The following NR3C1 variants were observed in gnomAD, a reference collection of about 807,000 sequenced individuals.
The protein encoded by NR3C1 is nuclear receptor subfamily 3 group C member 1, also known as glucocorticoid receptor.
Under a neutral mutation model 74.0 loss-of-function variants are expected in NR3C1, and 14 were observed. That is an observed-to-expected ratio of 0.19 (90% confidence interval 0.12 to 0.30). The LOEUF (loss-of-function observed/expected upper bound fraction) is 0.30. Among genes scored for constraint, NR3C1 ranks in the 10% least tolerant of loss-of-function variants. The pLI is 1.00. For synonymous variants in NR3C1, 308 were observed against 332.5 expected (o/e 0.93, Z 0.80); for missense variants, 695 against 909.8 (o/e 0.76, Z 3.04).
At chr5:143,371,407 T>G (rs1307019170) in intron 2 of NR3C1, among the ~76,000 whole-genome samples, 3 of 152,232 alleles carry the variant, frequency 2.0e-5, no homozygotes, top group Non-Finnish European at 4.4e-5. Context: ...CTCTTCATAT[T>G]TCATATCATT....
At position 143,279,406 on chromosome 5, in the gene NR3C1, A is replaced by AC. The variant is rs1812780319; in HGVS notation, c.*2482_*2483insG. 1 of 1,539,312 alleles carries AC rather than the reference A, an allele frequency of 6.5e-7. No individual in the cohort carries two copies. On this transcript the variant is annotated 3_prime_UTR_variant, in exon 9 of 9. Transcript: ENST00000394464. ...ATGTGCTTTCTGGTTTTAACCACAT[A>AC]ACATTCTATAAAGGAATGATAATCT...
intron 2 of NR3C1, among the ~76,000 whole-genome samples, chr5:143,324,661 C>CA (rs1349182729): frequency 2.6e-5 from 4 of 152,096 alleles, no homozygotes; most frequent in Non-Finnish European, 5.9e-5. Flanking sequence ...AATTTCTTCT[C>CA]AAAAAATGGG....
chr5:143,301,006 G>A (rs980777565), intron 4 of NR3C1, among the ~76,000 whole-genome samples: 21 of 151,960 alleles, frequency 1.4e-4, no homozygotes, highest in African/African-American at 5.1e-4. Context: ...CTTCATTAGA[G>A]TTATTCCTTA....
At chr5:143,367,929 G>A (rs533385109) in intron 2 of NR3C1, among the ~76,000 whole-genome samples, 92 of 152,124 alleles carry the variant, frequency 6.0e-4, no homozygotes, top group Non-Finnish European at 6.2e-4. Flanking sequence ...CAACGAACAC[G>A]GAATATAGGC....
chr5:143,348,810 G>A (rs1211962761), intron 2 of NR3C1, among the ~76,000 whole-genome samples: 1 of 152,072 alleles, frequency 6.6e-6, no homozygotes, highest in Admixed American at 6.6e-5. Flanking sequence ...TCTTTAAATA[G>A]AAACACACAT....
chr5:143,378,993 T>G (rs1002887555), intron 2 of NR3C1, among the ~76,000 whole-genome samples: 3 of 152,166 alleles, frequency 2.0e-5, no homozygotes, highest in Non-Finnish European at 4.4e-5. Flanking sequence ...TCTCAACCCA[T>G]GAATCACAGG....
chr5:143,399,847 C>T lies in NR3C1; in HGVS notation c.993G>A (p.Met331Ile), dbSNP rs374706517. Residue 331 changes from methionine (M) to isoleucine (I), a missense_variant, in exon 2 of 9, where the codon ATG (methionine) becomes ATA (isoleucine). Physicochemically the swap from Met to Ile is conservative, Grantham distance 10 (BLOSUM62 1). Transcript: ENST00000394464. ...VHGVSTSGGQMYHYDMNTASL... is the reference protein window; with the variant it reads ...VHGVSTSGGQIYHYDMNTASL... ...ATGCTGTATTCATGTCATAGTGGTA[C>T]ATCTGTCCTCCAGAGGTACTCACAC... The T allele has an allele frequency of 2.5e-6, 4 of 1,614,188 alleles. No homozygotes were observed. Among genetic ancestry groups the T allele is most frequent in the Non-Finnish European group, 3.4e-6 (4 of 1,180,032 alleles).
intron 7 of NR3C1, among the ~76,000 whole-genome samples, chr5:143,288,824 G>A (rs912386716): frequency 7.9e-5 from 12 of 151,950 alleles, no homozygotes; most frequent in African/African-American, 2.9e-4. Flanking sequence ...ATACGTGGAA[G>A]ACCAGGCACA....
At chr5:143,311,022 T>C (rs1820825268) in intron 3 of NR3C1, among the ~76,000 whole-genome samples, 1 of 152,246 alleles carries the variant, frequency 6.6e-6, no homozygotes, top group Non-Finnish European at 1.5e-5. Flanking sequence ...TTCAATTCTT[T>C]GTAAAGAATA....
chr5:143,293,868 T>C lies in NR3C1; in HGVS notation c.2023+1592A>G, dbSNP rs113556910. The C allele has an allele frequency of 2.4e-4, 235 of 969,216 alleles. No individual in the cohort carries two copies. The African/African-American group carries it at 2.8e-3, about 11-fold the overall frequency. 60.0% of individuals were successfully genotyped at this position (969,216 alleles called of 1,614,324 possible). ...ATGTATACAATTGAAACCATTCTTTTTTTTTTTTTTTTAAACAAGTAAAGT... is the reference window on the plus strand; with the variant it reads ...ATGTATACAATTGAAACCATTCTTTCTTTTTTTTTTTTAAACAAGTAAAGT... On this transcript the variant is annotated intron_variant, in intron 7 of 8. Transcript: ENST00000394464.
chr5:143,423,443 A>C (rs1317022568), intron 1 of NR3C1, among the ~76,000 whole-genome samples: 1 of 152,178 alleles, frequency 6.6e-6, no homozygotes, highest in Non-Finnish European at 1.5e-5. Flanking sequence ...TCAAAAAGAC[A>C]GGGAATTACG....
chr5:143,415,581 AT>A (rs538627944), intron 1 of NR3C1, among the ~76,000 whole-genome samples: 2 of 152,180 alleles, frequency 1.3e-5, no homozygotes, highest in Non-Finnish European at 2.9e-5. Flanking sequence ...TATTCATCAA[AT>A]GTTATTGGAC....
At chr5:143,283,649 T>C (rs1296371259) in intron 7 of NR3C1, among the ~76,000 whole-genome samples, 2 of 152,216 alleles carry the variant, frequency 1.3e-5, no homozygotes, top group Non-Finnish European at 2.9e-5. Context: ...TATCTGTCCT[T>C]CCTTATGTAC....
chr5:143,298,480 T>C (rs1817787145), intron 6 of NR3C1, among the ~76,000 whole-genome samples, 188 bp downstream of exon 6: 1 of 152,216 alleles, frequency 6.6e-6, no homozygotes, highest in Non-Finnish European at 1.5e-5. Context: ...ATGCCACATG[T>C]ACATTTGCTT....
Position 143,306,314 on chromosome 5 carries a change from C to T in NR3C1, c.1468+3783G>A, listed in dbSNP as rs13358784. On this transcript the variant is annotated intron_variant, in intron 4 of 8. Coordinates refer to ENST00000394464, the MANE Select transcript of NR3C1 (RefSeq NM_000176.3). ...TGGGGCTATCATCGAAACTGCTTGGCTTAGGGGAAGCACTCTGATGAACAA... is the reference window on the plus strand; with the variant it reads ...TGGGGCTATCATCGAAACTGCTTGGTTTAGGGGAAGCACTCTGATGAACAA... 4.2e-3 allele frequency among the ~76,000 whole-genome samples: 642 copies of T among 152,084 alleles called. 2 individuals are homozygous for T. The highest frequency in any genetic ancestry group is 0.015 in the African/African-American group (616 of 41,470).
chr5:143,372,571 A>G (rs1266528454), intron 2 of NR3C1, among the ~76,000 whole-genome samples: 1 of 152,236 alleles, frequency 6.6e-6, no homozygotes, highest in Non-Finnish European at 1.5e-5. Flanking sequence ...AAACCTTGGA[A>G]AGCAAAACTG....
rs79717463 is a variant in NR3C1 at position 143,369,391 on chromosome 5, T to C, written c.1184+30265A>G. Among the ~76,000 whole-genome samples the C allele has an allele frequency of 4.4e-3, 663 of 152,328 alleles. 2 individuals are homozygous for C. The highest frequency in any genetic ancestry group is 0.015 in the African/African-American group (633 of 41,576). On this transcript the variant is annotated intron_variant, in intron 2 of 8. Coordinates refer to ENST00000394464, the MANE Select transcript of NR3C1 (RefSeq NM_000176.3). ...ATATATGTCTACACAGAAACTTGTA[T>C]ATGAATGTTCTTAACAGCATTATTT...
At chr5:143,293,796 T>C in intron 7 of NR3C1, 1 of 728,168 alleles carries the variant, frequency 1.4e-6, no homozygotes, top group Non-Finnish European at 1.7e-6. Flanking sequence ...GAAGAACTCG[T>C]GATATTATTT....
intron 1 of NR3C1, among the ~76,000 whole-genome samples, chr5:143,413,598 C>A (rs1377685087): frequency 6.6e-6 from 1 of 152,138 alleles, no homozygotes; most frequent in East Asian, 1.9e-4. Flanking sequence ...ACCTCTCCAC[C>A]TGGTGGCCTG....
Sources: gnomAD v4.1 joint callset for allele counts (sites outside exome capture counted in the v4.1 genomes callset) on GRCh38, gnomAD v4.1.1 for gene constraint, MANE v1.5 for transcripts, NCBI Gene and HGNC (gene_info 2026-07-23, HGNC 2026-07-21) for gene names.